The following PAIP2 variants were observed in gnomAD, a reference collection of about 807,000 sequenced individuals.
PAIP2 encodes polyadenylate-binding protein-interacting protein 2.
In PAIP2, 7 loss-of-function variants were observed where a neutral mutation model predicts 14.8. The observed-to-expected ratio is 0.47, with a 90% CI of 0.27 to 0.89. The LOEUF (loss-of-function observed/expected upper bound fraction) is 0.89, where lower values mean the gene tolerates loss of function less well. Among genes scored for constraint, PAIP2 ranks in the 40% least tolerant of loss-of-function variants. The pLI is 0.13. For synonymous variants in PAIP2, 47 were observed against 45.3 expected, an observed-to-expected ratio of 1.04 and a Z score of -0.15; for missense variants, 122 against 154.7, an observed-to-expected ratio of 0.79 and a Z score of 1.12.
intron 3 of PAIP2, among the ~76,000 whole-genome samples, chr5:139,365,964 C>T (rs1054556790): frequency 1.4e-4 from 21 of 151,988 alleles, no homozygotes; most frequent in African/African-American, 2.4e-4. Flanking sequence ...CACTTTGGGA[C>T]GCCGAGGCAC....
rs181026416 is a variant in PAIP2, at chr5:139,341,955, C to G, written c.-52C>G. On this transcript the variant is annotated 5_prime_UTR_variant, in exon 1 of 4. Transcript: ENST00000265192. ...CGCGGAGGCCGACAGGATTCGTTGG[C>G]TGCCGTCCCCGCTGCTGTGCATTGG... The G allele has an allele frequency of 4.6e-5, 7 of 152,720 alleles. No individual in the cohort carries two copies. The highest frequency in any genetic ancestry group is 1.4e-4 in the African/African-American group (6 of 41,530). 9.5% of individuals were successfully genotyped at this position (152,720 alleles called of 1,614,324 possible). A position where few individuals can be genotyped will look rare whatever the true frequency, so the allele number is the denominator to read the frequency against.
chr5:139,367,890 C>A (rs1292003929), intron 3 of PAIP2, among the ~76,000 whole-genome samples: 1 of 152,174 alleles, frequency 6.6e-6, no homozygotes, highest in Non-Finnish European at 1.5e-5. Context: ...ATTTCAATTC[C>A]TATTTTCTCT....
rs536704901 is a variant in PAIP2 at position 139,352,502 on chromosome 5, G to GTTTTTTTTTTTTTTTTTTTTT, written c.-27+10534_-27+10535insTTTTTTTTTTTTTTTTTTTTT. Among the ~76,000 whole-genome samples the GTTTTTTTTTTTTTTTTTTTTT allele has an allele frequency of 1.6e-4, 12 of 76,152 alleles. 1 individual carries two copies. The highest frequency in any genetic ancestry group is 4.6e-4 in the Admixed American group (3 of 6,534). 50.0% of individuals were successfully genotyped at this position (76,152 alleles called of 152,430 possible). On this transcript the variant is annotated intron_variant, in intron 1 of 3. Transcript: ENST00000265192. ...AATTCCTGCCAGTTTTTTTTTTGTTGTTTTTTTTTTTTGAGATGGAGTTTC... is the reference window on the plus strand; with the variant it reads ...AATTCCTGCCAGTTTTTTTTTTGTTGTTTTTTTTTTTTTTTTTTTTTTTTTTTTTTTTTGAGATGGAGTTTC...
chr5:139,343,651 T>G (rs1259724646), intron 1 of PAIP2, among the ~76,000 whole-genome samples: 1 of 152,172 alleles, frequency 6.6e-6, no homozygotes, highest in Non-Finnish European at 1.5e-5. Flanking sequence ...AAACATTTTC[T>G]TGTAATTTAC....
At chr5:139,360,218 G>C (rs879564530) in intron 1 of PAIP2, among the ~76,000 whole-genome samples, 1 of 151,942 alleles carries the variant, frequency 6.6e-6, no homozygotes, top group Non-Finnish European at 1.5e-5. Flanking sequence ...GCCCGCCTTG[G>C]CCTCCCAAAG....
intron 1 of PAIP2, among the ~76,000 whole-genome samples, chr5:139,362,099 A>G (rs1757082170): frequency 6.6e-6 from 1 of 152,158 alleles, no homozygotes. Context: ...GTTATTAAAA[A>G]TCTGTTAGTT....
chr5:139,348,980 T>TGATGAATTTAGTAAAATATAAATG (rs1756644857), intron 1 of PAIP2, among the ~76,000 whole-genome samples: 1 of 151,966 alleles, frequency 6.6e-6, no homozygotes, highest in African/African-American at 2.4e-5. Context: ...ATGGCCTGAG[T>TGATGAATTTAGTAAAATATAAATG]GATGAATTTA....
intron 1 of PAIP2, chr5:139,343,501 G>C (rs1211764240): frequency 6.6e-6 from 1 of 152,136 alleles, no homozygotes; most frequent in Non-Finnish European, 1.5e-5. Context: ...ATCACTTTAT[G>C]ACTCTAGAGT....
intron 1 of PAIP2, among the ~76,000 whole-genome samples, chr5:139,350,845 C>G (rs1352142267): frequency 6.6e-6 from 1 of 151,958 alleles, no homozygotes; most frequent in Non-Finnish European, 1.5e-5. Context: ...TAAAGAATCT[C>G]AGAATAGATT....
intron 1 of PAIP2, among the ~76,000 whole-genome samples, chr5:139,359,939 C>G (rs975908638): frequency 6.6e-6 from 1 of 151,598 alleles, no homozygotes; most frequent in Non-Finnish European, 1.5e-5. Context: ...CCACTGTACT[C>G]TCCGTCTCAA....
intron 1 of PAIP2, among the ~76,000 whole-genome samples, chr5:139,357,123 A>G (rs961281515): frequency 2.0e-5 from 3 of 152,160 alleles, no homozygotes; most frequent in African/African-American, 7.2e-5. Flanking sequence ...TAAGCAAAAA[A>G]CAACTCCCCT....
chr5:139,356,889 GAAAAA>G (rs70982774), intron 1 of PAIP2, among the ~76,000 whole-genome samples: 108 of 112,466 alleles, frequency 9.6e-4, no homozygotes, highest in Middle Eastern at 4.1e-3. Context: ...TCTGTCTCCA[GAAAAA>G]AAAAAAAAAA....
chr5:139,344,193 CAG>C (rs1756468463), intron 1 of PAIP2, among the ~76,000 whole-genome samples: 1 of 152,190 alleles, frequency 6.6e-6, no homozygotes, highest in Non-Finnish European at 1.5e-5. Flanking sequence ...CCCAATGTCA[CAG>C]AGCTATGATA....
At position 139,359,803 on chromosome 5, in the gene PAIP2, C is replaced by T. The variant is rs376070999; in HGVS notation, c.-26-3956C>T. Among the ~76,000 whole-genome samples, 36 of 151,392 alleles carry T rather than the reference C, an allele frequency of 2.4e-4. No individual in the cohort carries two copies. In the South Asian group the frequency reaches 6.3e-3, roughly 26 times the overall value. On this transcript the variant is annotated intron_variant, in intron 1 of 3. Coordinates refer to ENST00000265192, the MANE Select transcript of PAIP2 (RefSeq NM_016480.5). ...GGGCCAACGTGGTGAAACCCTGTCT[C>T]TACTAAAAATACAAAAAAATTAGCC...
At chr5:139,364,252 C>T (rs1201363501) in intron 2 of PAIP2, among the ~76,000 whole-genome samples, 4 of 151,978 alleles carry the variant, frequency 2.6e-5, no homozygotes, top group East Asian at 1.9e-4. Context: ...TGCTGGTTAC[C>T]GTGAAAGTCA....
intron 1 of PAIP2, among the ~76,000 whole-genome samples, chr5:139,361,139 A>C (rs1367219696): frequency 6.6e-6 from 1 of 152,004 alleles, no homozygotes; most frequent in African/African-American, 2.4e-5. Flanking sequence ...AGAAATTTTT[A>C]GTTGAGGACC....
In PAIP2 at chr5:139,356,785, G is replaced by C. The variant is rs575429466; in HGVS notation, c.-26-6974G>C. Among the ~76,000 whole-genome samples the C allele has an allele frequency of 4.6e-5, 7 of 152,024 alleles. No homozygotes were observed. The South Asian group carries it at 1.5e-3, about 32-fold the overall frequency. On this transcript the variant is annotated intron_variant, in intron 1 of 3. Transcript: ENST00000265192. Reference sequence around the variant, plus strand: ...GCCTGTAGTCCCAGCTACTCGGGAGGCTGAGGCAGGAGAATCGCTTGAACC... The same window carrying C: ...GCCTGTAGTCCCAGCTACTCGGGAGCCTGAGGCAGGAGAATCGCTTGAACC...
At chr5:139,366,261 A>G (rs1286797913) in intron 3 of PAIP2, among the ~76,000 whole-genome samples, 1 of 151,694 alleles carries the variant, frequency 6.6e-6, no homozygotes, top group Non-Finnish European at 1.5e-5. Context: ...AAACATCAGC[A>G]CTAGAGTGAG....
intron 1 of PAIP2, among the ~76,000 whole-genome samples, chr5:139,347,907 C>T (rs994382245): frequency 3.9e-5 from 6 of 152,080 alleles, no homozygotes; most frequent in African/African-American, 1.4e-4. Context: ...TGTGGTGGCT[C>T]ATATCTGTAA....
Sources: allele counts gnomAD v4.1 joint callset (sites outside exome capture counted in the v4.1 genomes callset), GRCh38; gene constraint gnomAD v4.1.1; transcripts MANE v1.5; gene names NCBI Gene and HGNC (gene_info 2026-07-23, HGNC 2026-07-21).